Variants in CDKN2C observed in about 807,000 individuals in gnomAD.
CDKN2C encodes cyclin-dependent kinase 4 inhibitor C.
A neutral mutation model predicts 11.0 loss-of-function variants in CDKN2C; 5 were observed. That is an observed-to-expected ratio of 0.45 (90% CI 0.24 to 0.95). CDKN2C has a LOEUF of 0.95. Ranked by LOEUF, CDKN2C falls within the 40% of genes least tolerant of loss-of-function variation. CDKN2C has a pLI of 0.21. For missense variants in CDKN2C, 161 were observed against 211.9 expected (o/e 0.76, Z 1.49); for synonymous variants, 79 against 88.3 (o/e 0.89, Z 0.59).
intron 1 of CDKN2C, among the ~76,000 whole-genome samples, chr1:50,961,949 C>T (rs1478927881): frequency 6.6e-6 from 1 of 152,252 alleles, no homozygotes; most frequent in Non-Finnish European, 1.5e-5. Flanking sequence ...TGAGTTTATT[C>T]TGTGTGTTTC....
At position 50,970,474 on chromosome 1, in the gene CDKN2C, G is replaced by C. The variant is rs1296727773; in HGVS notation, c.106G>C (p.Gly36Arg). The change falls in exon 1 of 2, where the codon GGA (glycine) becomes CGA (arginine). Residue 36 changes from glycine (G) to arginine (R), a missense_variant. Transcript: ENST00000371761. ...QNNVNVNAQNGFGRTALQVMK... is the reference protein window; with the variant it reads ...QNNVNVNAQNRFGRTALQVMK... ...TAATGTAAACGTCAATGCACAAAATGGATTTGGAAGGACTGCGCTGCAGGT... is the reference window on the plus strand; with the variant it reads ...TAATGTAAACGTCAATGCACAAAATCGATTTGGAAGGACTGCGCTGCAGGT... The C allele has an allele frequency of 6.2e-7, 1 of 1,614,182 alleles. No homozygotes were observed. The highest frequency in any genetic ancestry group is 2.2e-5 in the East Asian group (1 of 44,888).
chr1:50,963,083 A>G (rs1418697312), intron 1 of CDKN2C, among the ~76,000 whole-genome samples: 2 of 152,208 alleles, frequency 1.3e-5, no homozygotes, highest in African/African-American at 4.8e-5. Context: ...TCTGTATACC[A>G]ATTCCTAAAT....
At chr1:50,963,798 C>A (rs961167662) in intron 1 of CDKN2C, among the ~76,000 whole-genome samples, 3 of 151,924 alleles carry the variant, frequency 2.0e-5, no homozygotes, top group African/African-American at 7.3e-5. Flanking sequence ...TGTCATAAAC[C>A]AAAAGAAGGA....
At chr1:50,970,789 A>T (rs913289051) in intron 1 of CDKN2C, among the ~76,000 whole-genome samples, 1 of 151,918 alleles carries the variant, frequency 6.6e-6, no homozygotes, top group South Asian at 2.1e-4. Flanking sequence ...TGTAGGGCCG[A>T]GGTTTGTTTG....
In CDKN2C at chr1:50,973,750, C is replaced by T; in HGVS notation, c.130-143C>T. ...TACTAGCACTTTTCTGCATTTGACC[C>T]CTTCAAGCCCCATCCTATGGGTCTT... On this transcript the variant is annotated intron_variant, in intron 1 of 1. Transcript: ENST00000371761. 3.1e-6 allele frequency: 3 copies of T among 959,114 alleles called. No homozygotes were observed. The Admixed American group carries it at 5.6e-5, about 18-fold the overall frequency. 59.4% of individuals were successfully genotyped at this position (959,114 alleles called of 1,614,324 possible).
intron 1 of CDKN2C, among the ~76,000 whole-genome samples, chr1:50,970,850 A>G (rs1314129030): frequency 6.6e-6 from 1 of 152,168 alleles, no homozygotes; most frequent in Non-Finnish European, 1.5e-5. Context: ...TATGATTATT[A>G]TTTGAAGTAA....
upstream of CDKN2C, chr1:50,967,818 CT>C (rs1645354633): frequency 6.6e-6 from 1 of 152,204 alleles, no homozygotes. Flanking sequence ...CAAGCCACTT[CT>C]AAGTAGTGAG....
At chr1:50,966,183 C>T (rs1030033203), upstream of CDKN2C, among the ~76,000 whole-genome samples, 1 of 151,374 alleles carries the variant, frequency 6.6e-6, no homozygotes, top group African/African-American at 2.4e-5. Context: ...GGATTACAGG[C>T]GCCAGCCACC....
chr1:50,964,445 C>G (rs980129602), intron 1 of CDKN2C, among the ~76,000 whole-genome samples: 1 of 152,196 alleles, frequency 6.6e-6, no homozygotes, highest in African/African-American at 2.4e-5. Flanking sequence ...TGAGTTATTA[C>G]TGGTAGTGAT....
chr1:50,974,172 G>T lies in CDKN2C; in HGVS notation c.409G>T (p.Gly137Trp), dbSNP rs1645394697. Residue 137 changes from glycine (G) to tryptophan (W), a missense_variant, in exon 2 of 2, where the codon GGG becomes TGG. By Grantham distance (184) the Gly-to-Trp change is radical. Coordinates refer to ENST00000371761, the MANE Select transcript of CDKN2C (RefSeq NM_078626.3). ...ASNVGHRNHK[G>W]DTACDLARLY... is the part of the protein sequence containing the mutation. ...CAATGTGGGGCATCGGAACCATAAG[G>T]GGGACACCGCCTGTGATTTGGCCAG... 1 of 1,613,868 alleles carries T rather than the reference G, an allele frequency of 6.2e-7. No individual in the cohort carries two copies. The highest frequency in any genetic ancestry group is 8.5e-7 in the Non-Finnish European group (1 of 1,179,772).
chr1:50,968,464 G>C (rs1241147142), upstream of CDKN2C: 1 of 152,426 alleles, frequency 6.6e-6, no homozygotes, highest in Non-Finnish European at 1.5e-5. Flanking sequence ...CCAGCAGAAG[G>C]GCAGGCCGGA....
intron 1 of CDKN2C, among the ~76,000 whole-genome samples, chr1:50,972,768 A>G (rs1482932515): frequency 6.6e-6 from 1 of 152,170 alleles, no homozygotes; most frequent in Admixed American, 6.5e-5. Context: ...AATTATTTGT[A>G]TGTTGATAGC....
rs1043084699 is a variant in CDKN2C at position 50,963,182 on chromosome 1, C to A, written c.-1976+2379C>A. ...TACTGCTTTTACTATCTTTACAACA[C>A]AACTTAGTGCTCCAGTAAATTTTGT... On this transcript the variant is annotated intron_variant, in intron 1 of 3. Coordinates refer to the CDKN2C transcript ENST00000262662. Among the ~76,000 whole-genome samples, 13 of 152,322 alleles carry A rather than the reference C, an allele frequency of 8.5e-5. 1 individual carries two copies. The highest frequency in any genetic ancestry group is 4.1e-4 in the South Asian group (2 of 4,830).
upstream of CDKN2C, among the ~76,000 whole-genome samples, chr1:50,966,706 T>C (rs763163148): frequency 2.0e-5 from 3 of 149,742 alleles, no homozygotes; most frequent in Non-Finnish European, 4.4e-5. Context: ...AGATGAAGCA[T>C]ATGCTTCAGG....
chr1:50,969,172 A>G (rs1181820033), upstream of CDKN2C: 1 of 152,348 alleles, frequency 6.6e-6, no homozygotes, highest in Non-Finnish European at 1.5e-5. The surrounding 1 kb of genome is among the most constrained non-coding windows in gnomAD (Gnocchi z 6.6). Context: ...GCTGCCCCGG[A>G]ACTGCGGCGA....
At chr1:50,972,410 T>C (rs897353532) in intron 1 of CDKN2C, among the ~76,000 whole-genome samples, 3 of 152,158 alleles carry the variant, frequency 2.0e-5, no homozygotes, top group Non-Finnish European at 4.4e-5. Context: ...TACAAAATAT[T>C]ACTCATTTTA....
At chr1:50,962,154 G>A (rs1056535090) in intron 1 of CDKN2C, among the ~76,000 whole-genome samples, 3 of 152,222 alleles carry the variant, frequency 2.0e-5, no homozygotes, top group African/African-American at 7.2e-5. Flanking sequence ...GCCGAGGCAG[G>A]CAGATCACTT....
rs550813598 is a variant in CDKN2C at position 50,962,108 on chromosome 1, C to A, written c.-1976+1305C>A. Reference sequence around the variant, plus strand: ...TAAGAAAATAATTCCATGGCCAGGGCAGTGGCTTATGCCTATAATCCCAAC... The same window carrying A: ...TAAGAAAATAATTCCATGGCCAGGGAAGTGGCTTATGCCTATAATCCCAAC... On this transcript the variant is annotated intron_variant, in intron 1 of 3. Coordinates refer to the CDKN2C transcript ENST00000262662. 3.9e-5 allele frequency among the ~76,000 whole-genome samples: 6 copies of A among 152,336 alleles called. No individual in the cohort carries two copies. The East Asian group carries it at 9.7e-4, about 25-fold the overall frequency.
upstream of CDKN2C, among the ~76,000 whole-genome samples, chr1:50,966,911 T>C (rs1039955342): frequency 2.0e-5 from 3 of 152,230 alleles, no homozygotes; most frequent in Non-Finnish European, 4.4e-5. Flanking sequence ...CATCAAAATC[T>C]TTTCAGTGCT....
Sources: gnomAD v4.1 joint callset for allele counts (sites outside exome capture counted in the v4.1 genomes callset) on GRCh38, gnomAD v4.1.1 for gene constraint, Gnocchi (gnomAD v3.1) non-coding constraint, MANE v1.5 for transcripts, NCBI Gene and HGNC (gene_info 2026-07-23, HGNC 2026-07-21) for gene names.